Variants in RELB observed in about 807,000 individuals in gnomAD.
RELB encodes RELB proto-oncogene, NF-kB subunit, also known as transcription factor RelB.
In RELB, 14 loss-of-function variants were observed where a neutral mutation model predicts 55.4. The ratio of observed to expected loss-of-function variants is 0.25; its 90% confidence interval spans 0.17 to 0.40. RELB has a LOEUF of 0.40. Ranked by LOEUF, RELB falls within the 10% of genes least tolerant of loss-of-function variation. The pLI, the probability that RELB is intolerant of heterozygous loss-of-function variation, is 1.00. For synonymous variants in RELB, 409 were observed against 371.3 expected (o/e 1.10, Z -1.17); for missense variants, 669 against 830.7 (o/e 0.81, Z 2.39).
Position 45,003,587 on chromosome 19 carries a change from C to T in RELB, c.154+591C>T, listed in dbSNP as rs756036503. The stretch of plus-strand genomic sequence containing the variant: ...CTTAGTAGAAGGTAATCACTGCCAT[C>T]CTGGGCTTTGGAGCTGGGGTTTACA... On this transcript the variant is annotated intron_variant, in intron 2 of 11. Coordinates refer to ENST00000221452, the MANE Select transcript of RELB (RefSeq NM_006509.4). 1.2e-5 allele frequency: 6 copies of T among 518,038 alleles called. No individual in the cohort carries two copies. In the East Asian group the frequency reaches 3.3e-4, roughly 28 times the overall value. 32.1% of individuals were successfully genotyped at this position (518,038 alleles called of 1,614,324 possible).
rs1568395564 is a variant in RELB at position 45,003,906 on chromosome 19, G to GT, written c.154+916dup. On this transcript the variant is annotated intron_variant, in intron 2 of 11. Transcript: ENST00000221452. ...GTGTGTGTGTGGGTTTTTTTTGTCT[G>GT]TTTTTTGTGTTTTTTTTTTTTTTTT... Among the ~76,000 whole-genome samples, 139 of 62,516 alleles carry GT rather than the reference G, an allele frequency of 2.2e-3. 8 individuals are homozygous for GT. The highest frequency in any genetic ancestry group is 7.0e-3 in the African/African-American group (129 of 18,398). 41.0% of individuals were successfully genotyped at this position (62,516 alleles called of 152,430 possible).
chr19:45,032,422 A>C (rs996888595), intron 8 of RELB, 112 bp from the exon 9 acceptor site: 2 of 918,104 alleles, frequency 2.2e-6, no homozygotes, highest in East Asian at 2.7e-5. Context: ...CTCAAAAAAA[A>C]AAAATTTTAA....
At chr19:45,002,768 A>C (rs1390640695) in intron 1 of RELB, among the ~76,000 whole-genome samples, 181 bp from the exon 2 acceptor site, 2 of 152,104 alleles carry the variant, frequency 1.3e-5, no homozygotes, top group Admixed American at 1.3e-4. Context: ...CAGAAACTAA[A>C]GGCCAGGACC....
At chr19:45,017,054 G>T (rs567163475) in intron 4 of RELB, among the ~76,000 whole-genome samples, 1 of 152,192 alleles carries the variant, frequency 6.6e-6, no homozygotes, top group African/African-American at 2.4e-5. Flanking sequence ...CTTGCGGTAG[G>T]GTCCACATCA....
At chr19:45,036,216 G>C (rs1971684488) in intron 11 of RELB, among the ~76,000 whole-genome samples, 1 of 152,072 alleles carries the variant, frequency 6.6e-6, no homozygotes, top group East Asian at 1.9e-4. Context: ...GGGATTACAG[G>C]TGCCCACCAC....
At chr19:45,035,887 G>A (rs1352122286) in intron 11 of RELB, among the ~76,000 whole-genome samples, 1 of 152,202 alleles carries the variant, frequency 6.6e-6, no homozygotes, top group African/African-American at 2.4e-5. Context: ...GTGACTGCAT[G>A]ATCATCGAGA....
intron 1 of RELB, among the ~76,000 whole-genome samples, chr19:45,002,242 C>T (rs1404969989): frequency 6.7e-6 from 1 of 148,246 alleles, no homozygotes; most frequent in East Asian, 2.0e-4. Flanking sequence ...GGGCCCGACA[C>T]AGAGAATGAG....
intron 7 of RELB, among the ~76,000 whole-genome samples, chr19:45,027,330 G>A (rs902516614): frequency 1.3e-5 from 2 of 151,970 alleles, no homozygotes; most frequent in Non-Finnish European, 2.9e-5. Flanking sequence ...AAATGCAGAT[G>A]TAGCATAGTG....
In RELB at chr19:45,037,751, TG is replaced by T; in HGVS notation, c.1706del (p.Gly569AlafsTer37). On this transcript the variant is annotated frameshift_variant, in exon 12 of 12. Coordinates refer to ENST00000221452, the MANE Select transcript of RELB (RefSeq NM_006509.4). LOFTEE classifies it high-confidence loss of function. ...CCAATCATTACCGCGAGGCGGCCTT[TG>T]GGGGCGGCCTCCTATCCCCGGGGCC... ...FPNHYREAAF[G>X]GGLLSPGPEA... is the part of the protein sequence containing the mutation. 1.3e-6 allele frequency: 2 copies of T among 1,487,672 alleles called. No individual in the cohort carries two copies. The highest frequency in any genetic ancestry group is 1.4e-5 in the South Asian group (1 of 73,384). 92.2% of individuals were successfully genotyped at this position (1,487,672 alleles called of 1,614,324 possible).
rs1169089557 is a variant in RELB, at chr19:45,002,093, G to A, written c.106+408G>A. 4.8e-5 allele frequency among the ~76,000 whole-genome samples: 7 copies of A among 145,212 alleles called. No individual in the cohort carries two copies. In the East Asian group the frequency reaches 6.2e-4, roughly 13 times the overall value. ...CTCAAAAAAGGAAGCAGGGCCCTAC[G>A]CTGAGGGGTGAGGGGGCGGGGCCTG... On this transcript the variant is annotated intron_variant, in intron 1 of 11. Coordinates refer to ENST00000221452, the MANE Select transcript of RELB (RefSeq NM_006509.4).
At chr19:45,013,333 G>A (rs1265898187) in intron 4 of RELB, among the ~76,000 whole-genome samples, 1 of 151,714 alleles carries the variant, frequency 6.6e-6, no homozygotes, top group Non-Finnish European at 1.5e-5. Context: ...TAGAGAAGGG[G>A]TTTTGCCATG....
At position 45,023,639 on chromosome 19, in the gene RELB, C is replaced by T. The variant is rs141827362; in HGVS notation, c.662+1429C>T. ...ATTTTTAGTACAGACGGGGTTTCGC[C>T]GTGTTAGCCAGGATGGTTACCATCT... is the stretch of plus-strand genomic sequence containing the variant. On this transcript the variant is annotated intron_variant, in intron 5 of 11. Coordinates refer to ENST00000221452, the MANE Select transcript of RELB (RefSeq NM_006509.4). 2.9e-3 allele frequency among the ~76,000 whole-genome samples: 437 copies of T among 150,844 alleles called. 22 individuals carry two copies. In the East Asian group the frequency reaches 0.072, roughly 25 times the overall value.
At chr19:45,022,818 G>A (rs1359057878) in intron 5 of RELB, among the ~76,000 whole-genome samples, 1 of 152,000 alleles carries the variant, frequency 6.6e-6, no homozygotes, top group East Asian at 1.9e-4. Flanking sequence ...CAAAGTGCTG[G>A]GATTACAGGC....
chr19:45,017,446 G>A (rs1004837465), intron 4 of RELB, among the ~76,000 whole-genome samples: 4 of 17,256 alleles, frequency 2.3e-4, no homozygotes, highest in Admixed American at 1.6e-3. Flanking sequence ...GAGAGAATCT[G>A]TCTAAAAAAA....
At position 45,038,070 on chromosome 19, in the gene RELB, G is replaced by A. The variant is rs951518777; in HGVS notation, c.*280G>A. ...CATGTGGGGGCACCTTCTCCAGTAG[G>A]ATTCGGAAAAGATTGTACATATGGG... On this transcript the variant is annotated 3_prime_UTR_variant, in exon 12 of 12. Coordinates refer to ENST00000221452, the MANE Select transcript of RELB (RefSeq NM_006509.4). 8 of 367,340 alleles carry A rather than the reference G, an allele frequency of 2.2e-5. No homozygotes were observed. The East Asian group carries it at 3.3e-4, about 15-fold the overall frequency. The allele number at this position is 367,340 out of a possible 1,614,324, so 22.8% of individuals were successfully genotyped here. A position where few individuals can be genotyped will look rare whatever the true frequency, so the allele number is the denominator to read the frequency against.
chr19:45,013,523 A>T (rs1400989583), intron 4 of RELB, among the ~76,000 whole-genome samples: 1 of 151,494 alleles, frequency 6.6e-6, no homozygotes, highest in Non-Finnish European at 1.5e-5. Context: ...AACAGGACGG[A>T]TGTTTTGTAG....
At chr19:45,028,281 A>T (rs550482975) in intron 7 of RELB, among the ~76,000 whole-genome samples, 8 of 151,646 alleles carry the variant, frequency 5.3e-5, no homozygotes, top group Non-Finnish European at 1.2e-4. Context: ...CTGGGCCCCC[A>T]AAAGTGCTGG....
At chr19:45,016,620 T>A (rs1971423579) in intron 4 of RELB, among the ~76,000 whole-genome samples, 1 of 151,998 alleles carries the variant, frequency 6.6e-6, no homozygotes, top group Non-Finnish European at 1.5e-5. Flanking sequence ...TATGGGAAAC[T>A]CCAGCCTGGG....
intron 2 of RELB, chr19:45,008,621 G>T (rs892387089): frequency 4.5e-6 from 2 of 441,438 alleles, no homozygotes; most frequent in Non-Finnish European, 9.2e-6. Context: ...CAGATCCCAT[G>T]AGATAAGGGG....
Sources: gnomAD v4.1 joint callset for allele counts (sites outside exome capture counted in the v4.1 genomes callset) on GRCh38, gnomAD v4.1.1 for gene constraint, MANE v1.5 for transcripts, NCBI Gene and HGNC (gene_info 2026-07-23, HGNC 2026-07-21) for gene names.